The following HNRNPD variants were observed in gnomAD, a reference collection of about 807,000 sequenced individuals.
HNRNPD encodes heterogeneous nuclear ribonucleoprotein D.
A neutral mutation model predicts 47.9 loss-of-function variants in HNRNPD; 3 were observed. That is an observed-to-expected ratio of 0.06 (90% confidence interval 0.03 to 0.16). The LOEUF is 0.16. HNRNPD is among the 10% of genes least tolerant of loss of function. The probability of loss-of-function intolerance (pLI) is 1.00; values close to 1 mark genes in which losing one functional copy is unlikely to be tolerated. For synonymous variants in HNRNPD, 171 were observed against 165.1 expected, an observed-to-expected ratio of 1.04 and a Z score of -0.28; for missense variants, 287 against 454.2, an observed-to-expected ratio of 0.63 and a Z score of 3.35.
intron 8 of HNRNPD, 29 bp downstream of exon 8, chr4:82,355,275 G>T: frequency 8.1e-7 from 1 of 1,231,134 alleles, no homozygotes; most frequent in Non-Finnish European, 1.2e-6. Flanking sequence ...TATTGTAAAT[G>T]ACAAAAAAAA....
intron 5 of HNRNPD, 148 bp from the exon 6 acceptor site, chr4:82,357,043 T>A: frequency 1.3e-6 from 1 of 750,832 alleles, no homozygotes; most frequent in Non-Finnish European, 2.2e-6. Context: ...AACCAATATT[T>A]AGTACTTAAG....
At position 82,357,302 on chromosome 4, in the gene HNRNPD, G is replaced by A; in HGVS notation, c.753+11C>T. The A allele has an allele frequency of 6.2e-7, 1 of 1,602,240 alleles. No homozygotes were observed. Among genetic ancestry groups the A allele is most frequent in the Non-Finnish European group, 8.5e-7 (1 of 1,175,666 alleles). On this transcript the variant is annotated intron_variant, in intron 5 of 8. Transcript: ENST00000313899. The stretch of plus-strand genomic sequence containing the variant: ...TAGTTTTCTCTACAAGTAAATGGAT[G>A]CTTAACTTACTTTACTAAGACCAAC...
rs1164030007 is a variant in HNRNPD, at chr4:82,373,860, G to A, written c.-182C>T. The A allele has an allele frequency of 6.7e-6, 9 of 1,344,740 alleles. No homozygotes were observed. Among genetic ancestry groups the A allele is most frequent in the Non-Finnish European group, 8.8e-6 (9 of 1,022,880 alleles). The allele number at this position is 1,344,740 out of a possible 1,614,324, so 83.3% of individuals were successfully genotyped here. On this transcript the variant is annotated 5_prime_UTR_variant, in exon 1 of 9. Coordinates refer to ENST00000313899, the MANE Select transcript of HNRNPD (RefSeq NM_031370.3). ...CGCCTCTCCCTGGCCTGCCCCCTTC[G>A]CCTCCCACTCTCGCGCGGCGCACAC... is the stretch of plus-strand genomic sequence containing the variant.
Position 82,371,624 on chromosome 4 carries a change from C to T in HNRNPD, c.234-40G>A, listed in dbSNP as rs1290722661. 16 of 1,565,682 alleles carry T rather than the reference C, an allele frequency of 1.0e-5. No homozygotes were observed. The Admixed American group carries it at 1.7e-4, about 17-fold the overall frequency. On this transcript the variant is annotated intron_variant, in intron 1 of 8. Transcript: ENST00000313899. ...ACCGGTACAGCAACCAATCAAAATT[C>T]TAGTTTTAGTTTTTGACACTGTTAG...
intron 1 of HNRNPD, among the ~76,000 whole-genome samples, chr4:82,372,659 G>A (rs1720113314): frequency 6.6e-6 from 1 of 152,284 alleles, no homozygotes; most frequent in African/African-American, 2.4e-5. Flanking sequence ...GTGGGGGAAG[G>A]GTAGATGCTA....
chr4:82,373,557 G>A lies in HNRNPD; in HGVS notation c.122C>T (p.Ala41Val), dbSNP rs1042047030. 1 of 1,529,616 alleles carries A rather than the reference G, an allele frequency of 6.5e-7. No individual in the cohort carries two copies. The highest frequency in any genetic ancestry group is 8.8e-7 in the Non-Finnish European group (1 of 1,139,392). The allele number at this position is 1,529,616 out of a possible 1,614,324, so 94.8% of individuals were successfully genotyped here. ...VAATQGAAAAAGSGAGTGGGT... is the reference protein window; with the variant it reads ...VAATQGAAAAVGSGAGTGGGT... The stretch of plus-strand genomic sequence containing the variant: ...GCCCCCGGTCCCGGCTCCGCTTCCC[G>A]CCGCCGCCGCTGCCCCCTGTGTCGC... Residue 41 changes from alanine (A) to valine (V), a missense_variant, in exon 1 of 9, where the codon GCG becomes GTG. By Grantham distance (64) the Ala-to-Val change is moderately conservative. Coordinates refer to ENST00000313899, the MANE Select transcript of HNRNPD (RefSeq NM_031370.3).
At chr4:82,370,034 T>C (rs1719961173) in intron 2 of HNRNPD, among the ~76,000 whole-genome samples, 2 of 151,912 alleles carry the variant, frequency 1.3e-5, no homozygotes, top group African/African-American at 2.4e-5. Flanking sequence ...CCCAACTACT[T>C]TGGAGGCTGA....
In HNRNPD at chr4:82,373,361, G is replaced by A. The variant is rs997206343; in HGVS notation, c.233+85C>T. ...TGGGGGCCCGGAGAACGGGCTGAGA[G>A]CGGGAACCAGGCCTAATGGCGGGGG... is the stretch of plus-strand genomic sequence containing the variant. On this transcript the variant is annotated intron_variant, in intron 1 of 8. Transcript: ENST00000313899. 2.7e-6 allele frequency: 4 copies of A among 1,495,454 alleles called. No individual in the cohort carries two copies. In the Admixed American group the frequency reaches 6.6e-5, roughly 25 times the overall value. 92.6% of individuals were successfully genotyped at this position (1,495,454 alleles called of 1,614,324 possible).
chr4:82,373,083 GA>G, intron 1 of HNRNPD: 1 of 495,666 alleles, frequency 2.0e-6, no homozygotes. Flanking sequence ...TAGAAAAAGG[GA>G]AAAAGAGGGG....
At chr4:82,370,432 A>T (rs1394947581) in intron 2 of HNRNPD, among the ~76,000 whole-genome samples, 1 of 152,160 alleles carries the variant, frequency 6.6e-6, no homozygotes, top group African/African-American at 2.4e-5. Flanking sequence ...GTTTAATCTT[A>T]ATTTGCCACT....
chr4:82,356,772 G>A, intron 6 of HNRNPD, 24 bp downstream of exon 6: 1 of 1,610,130 alleles, frequency 6.2e-7, no homozygotes, highest in Non-Finnish European at 8.5e-7. Flanking sequence ...GCTTAAGATA[G>A]AGTAAACTTA....
chr4:82,359,404 A>G, intron 3 of HNRNPD, 67 bp downstream of exon 3: 1 of 1,150,284 alleles, frequency 8.7e-7, no homozygotes, highest in Non-Finnish European at 1.2e-6. Context: ...AGGCAAACTC[A>G]TTGTATCAAA....
At chr4:82,363,901 T>C (rs1046640905) in intron 2 of HNRNPD, among the ~76,000 whole-genome samples, 11 of 152,214 alleles carry the variant, frequency 7.2e-5, no homozygotes, top group African/African-American at 2.7e-4. Context: ...TTTAGGCTCC[T>C]TTGTGGGACA....
At chr4:82,371,035 C>G (rs1431019045) in intron 2 of HNRNPD, among the ~76,000 whole-genome samples, 1 of 151,472 alleles carries the variant, frequency 6.6e-6, no homozygotes, top group Non-Finnish European at 1.5e-5. Flanking sequence ...TACAAATATG[C>G]TAGGTAAAAG....
At chr4:82,366,980 G>A (rs1187279248) in intron 2 of HNRNPD, among the ~76,000 whole-genome samples, 1 of 150,464 alleles carries the variant, frequency 6.6e-6, no homozygotes, top group Non-Finnish European at 1.5e-5. Flanking sequence ...TCTGCCTCCT[G>A]AGTAGATGTA....
At chr4:82,355,511 A>C (rs35756831) in intron 7 of HNRNPD, 110 bp from the exon 8 acceptor site, 2 of 762,910 alleles carry the variant, frequency 2.6e-6, no homozygotes, top group Non-Finnish European at 4.4e-6. Flanking sequence ...TTAATTCCCA[A>C]GTGTGAAAAA....
At chr4:82,371,666 T>A in intron 1 of HNRNPD, 82 bp from the exon 2 acceptor site, 1 of 1,062,768 alleles carries the variant, frequency 9.4e-7, no homozygotes, top group South Asian at 1.4e-5. Context: ...AAACTTTAAT[T>A]CATTTACACT....
At chr4:82,364,899 G>T (rs1218815097) in intron 2 of HNRNPD, among the ~76,000 whole-genome samples, 1 of 152,100 alleles carries the variant, frequency 6.6e-6, no homozygotes. Flanking sequence ...TAGGTCACTA[G>T]GTTTTTAACA....
In HNRNPD at chr4:82,356,651, T is replaced by C; in HGVS notation, c.886A>G (p.Asn296Asp). The C allele has an allele frequency of 6.2e-7, 1 of 1,613,032 alleles. No individual in the cohort carries two copies. Among genetic ancestry groups the C allele is most frequent in the Non-Finnish European group, 8.5e-7 (1 of 1,179,996 alleles). Residue 296 changes from asparagine (N) to aspartate (D), a missense_variant, in exon 7 of 9, where the codon AAC (asparagine) becomes GAC (aspartate). By Grantham distance (23) the Asn-to-Asp change is conservative. Transcript: ENST00000313899. ...PSQNWNQGYS[N>D]YWNQGYGNYG... Reference sequence around the variant, plus strand: ...TTGCCATAGCCTTGATTCCAATAGTTACTATATCCCTGGTTCCAGTTTTGA... The same window carrying C: ...TTGCCATAGCCTTGATTCCAATAGTCACTATATCCCTGGTTCCAGTTTTGA...
Sources: gnomAD v4.1 joint callset for allele counts (sites outside exome capture counted in the v4.1 genomes callset) on GRCh38, gnomAD v4.1.1 for gene constraint, MANE v1.5 for transcripts, NCBI Gene and HGNC (gene_info 2026-07-23, HGNC 2026-07-21) for gene names.